Variants in EPB41 observed in about 807,000 individuals in gnomAD.
EPB41 encodes protein 4.1.
In EPB41, 65 loss-of-function variants were observed where a neutral mutation model predicts 108.0. The observed-to-expected ratio is 0.60, with a 90% CI of 0.49 to 0.74. EPB41 has a LOEUF of 0.74. Among genes scored for constraint, EPB41 ranks in the 30% least tolerant of loss-of-function variants. The pLI, the probability that EPB41 is intolerant of heterozygous loss-of-function variation, is 0.00. For missense variants in EPB41, 875 were observed against 1,037.0 expected (o/e 0.84, Z 2.15); for synonymous variants, 336 against 358.9 (o/e 0.94, Z 0.72).
chr1:29,108,148 CTT>C (rs544874657), intron 17 of EPB41, among the ~76,000 whole-genome samples: 21 of 129,078 alleles, frequency 1.6e-4, no homozygotes, highest in Non-Finnish European at 1.5e-4. Flanking sequence ...CCTCTTATTT[CTT>C]TTTTTTTTTT....
chr1:28,934,141 G>A (rs893058032), intron 1 of EPB41, among the ~76,000 whole-genome samples: 1 of 151,908 alleles, frequency 6.6e-6, no homozygotes, highest in Non-Finnish European at 1.5e-5. Flanking sequence ...GAGGGTTGTT[G>A]GTCAGATATT....
intron 1 of EPB41, among the ~76,000 whole-genome samples, chr1:28,929,769 GA>G (rs2093639608): frequency 1.5e-5 from 2 of 137,456 alleles, no homozygotes; most frequent in Non-Finnish European, 3.1e-5. Flanking sequence ...CCTGACCTCA[GA>G]TGATCTGCCC....
intron 16 of EPB41, among the ~76,000 whole-genome samples, chr1:29,083,354 A>G (rs954244256): frequency 6.6e-6 from 1 of 152,152 alleles, no homozygotes; most frequent in African/African-American, 2.4e-5. Flanking sequence ...TTGTGATTCT[A>G]ATGTCCTTTT....
At chr1:29,055,519 A>G (rs1023959585) in intron 12 of EPB41, among the ~76,000 whole-genome samples, 5 of 152,046 alleles carry the variant, frequency 3.3e-5, no homozygotes, top group African/African-American at 1.2e-4. Flanking sequence ...TTTGTTGCCA[A>G]TTAATTCTAC....
rs966741551 is a variant in EPB41 at position 29,030,293 on chromosome 1, G to C, written c.1125-107G>C. 3 of 828,996 alleles carry C rather than the reference G, an allele frequency of 3.6e-6. No individual in the cohort carries two copies. The African/African-American group carries it at 5.1e-5, about 14-fold the overall frequency. The allele number at this position is 828,996 out of a possible 1,614,324, so 51.4% of individuals were successfully genotyped here. A position where few individuals can be genotyped will look rare whatever the true frequency, so the allele number is the denominator to read the frequency against. ...GGACTAGGAAATATATCTTAATATA[G>C]TGGTATGTATATGTTCATGTGTTTA... is the stretch of plus-strand genomic sequence containing the variant. On this transcript the variant is annotated intron_variant, in intron 7 of 20. Transcript: ENST00000343067.
At position 28,916,842 on chromosome 1, in the gene EPB41, G is replaced by T. The variant is rs185251695; in HGVS notation, c.-8+2074G>T. Among the ~76,000 whole-genome samples, 11 of 151,742 alleles carry T rather than the reference G, an allele frequency of 7.2e-5. No individual in the cohort carries two copies. The East Asian group carries it at 2.1e-3, about 29-fold the overall frequency. On this transcript the variant is annotated intron_variant, in intron 1 of 20. Transcript: ENST00000343067. ...GTCTCATTCTGTCACCCAGGCTGGAGTGCAGTGGCATGATCACGGCTCACT... is the reference window on the plus strand; with the variant it reads ...GTCTCATTCTGTCACCCAGGCTGGATTGCAGTGGCATGATCACGGCTCACT...
intron 16 of EPB41, among the ~76,000 whole-genome samples, chr1:29,067,478 A>T (rs1483765401): frequency 1.8e-5 from 2 of 109,372 alleles, no homozygotes; most frequent in Non-Finnish European, 3.7e-5. Context: ...CCTGGGCGAC[A>T]GAGCGAGACT....
intron 16 of EPB41, among the ~76,000 whole-genome samples, chr1:29,066,253 T>C (rs1191247828): frequency 1.3e-5 from 2 of 151,960 alleles, no homozygotes; most frequent in Non-Finnish European, 2.9e-5. Flanking sequence ...ACCCCATCTC[T>C]ACTAAATATA....
At chr1:29,085,141 C>CTTTTTTTTT (rs527593950) in intron 16 of EPB41, among the ~76,000 whole-genome samples, 3 of 117,322 alleles carry the variant, frequency 2.6e-5, no homozygotes, top group Non-Finnish European at 3.5e-5. Flanking sequence ...CTTTGATCTT[C>CTTTTTTTTT]TTTTTTTTTT....
chr1:29,062,011 T>G (rs779465998), intron 15 of EPB41, among the ~76,000 whole-genome samples: 1 of 152,246 alleles, frequency 6.6e-6, no homozygotes, highest in Non-Finnish European at 1.5e-5. Context: ...GAAAAAAATA[T>G]GCCCAGCCTT....
At chr1:28,987,070 C>T (rs988660347) in intron 1 of EPB41, among the ~76,000 whole-genome samples, 1 of 152,122 alleles carries the variant, frequency 6.6e-6, no homozygotes. Context: ...GATTGATACC[C>T]TCAAAGGACA....
chr1:29,048,551 A>T (rs1349509517), intron 11 of EPB41, among the ~76,000 whole-genome samples: 1 of 152,182 alleles, frequency 6.6e-6, no homozygotes, highest in Non-Finnish European at 1.5e-5. Flanking sequence ...TTTTAAAAAA[A>T]ATTCTTGAAC....
chr1:29,109,056 G>A (rs1162171316), intron 17 of EPB41, among the ~76,000 whole-genome samples: 1 of 151,888 alleles, frequency 6.6e-6, no homozygotes, highest in Non-Finnish European at 1.5e-5. Flanking sequence ...AAATTAGCCC[G>A]GTGTGGTGGT....
intron 11 of EPB41, among the ~76,000 whole-genome samples, chr1:29,043,278 G>A (rs1274279115): frequency 1.3e-5 from 2 of 152,178 alleles, no homozygotes; most frequent in Non-Finnish European, 2.9e-5. Context: ...AGCTTCATTT[G>A]AGCTGAGACC....
At position 29,018,366 on chromosome 1, in the gene EPB41, GT is replaced by G; in HGVS notation, c.1050del (p.Ser351ValfsTer27). 1.2e-6 allele frequency: 2 copies of G among 1,614,142 alleles called. No individual in the cohort carries two copies. The highest frequency in any genetic ancestry group is 1.7e-6 in the Non-Finnish European group (2 of 1,180,044). On this transcript the variant is annotated frameshift_variant, in exon 7 of 21. Coordinates refer to ENST00000343067, the MANE Select transcript of EPB41 (RefSeq NM_001376013.1). LOFTEE classifies it high-confidence loss of function. This position sits in a 1 kb window ranked among gnomAD's most constrained non-coding sequence, Gnocchi z 4.4. ...YDPELHGVDYVSDFKLAPNQT... is the reference protein window; with the variant it reads ...YDPELHGVDYXSDFKLAPNQT... ...CCCAGAACTCCATGGCGTGGATTAT[GT>G]TAGTGATTTTAAACTGGCCCCGAAT...
chr1:29,033,324 A>G, intron 9 of EPB41, 79 bp downstream of exon 9: 1 of 1,537,108 alleles, frequency 6.5e-7, no homozygotes, highest in Non-Finnish European at 9.0e-7. Context: ...TTTCCTTATT[A>G]AGTCATCTGA....
At chr1:29,056,936 G>T (rs1181247506) in intron 12 of EPB41, among the ~76,000 whole-genome samples, 1 of 152,128 alleles carries the variant, frequency 6.6e-6, no homozygotes, top group African/African-American at 2.4e-5. Flanking sequence ...TTTAAGCTTT[G>T]TAAAATAATT....
intron 17 of EPB41, among the ~76,000 whole-genome samples, chr1:29,101,682 A>T (rs1005285502): frequency 5.3e-5 from 8 of 152,092 alleles, no homozygotes; most frequent in African/African-American, 1.7e-4. Context: ...ATAAATAAGT[A>T]AATAAATAAA....
At chr1:28,911,755 A>G (rs1354717155), upstream of EPB41, among the ~76,000 whole-genome samples, 2 of 152,160 alleles carry the variant, frequency 1.3e-5, no homozygotes, top group Admixed American at 1.3e-4. Flanking sequence ...ATTTAAGAAC[A>G]GGTGTGGCCA....
Sources: gnomAD v4.1 joint callset for allele counts (sites outside exome capture counted in the v4.1 genomes callset) on GRCh38, gnomAD v4.1.1 for gene constraint, Gnocchi (gnomAD v3.1) non-coding constraint, MANE v1.5 for transcripts, NCBI Gene and HGNC (gene_info 2026-07-23, HGNC 2026-07-21) for gene names.